The following SIN3B variants were observed in gnomAD, a reference collection of about 807,000 sequenced individuals.
The protein encoded by SIN3B is paired amphipathic helix protein Sin3b.
A neutral mutation model predicts 120.2 loss-of-function variants in SIN3B; 19 were observed. That is an observed-to-expected ratio of 0.16 (90% CI 0.11 to 0.23). The LOEUF (loss-of-function observed/expected upper bound fraction) is 0.23, where lower values mean the gene tolerates loss of function less well. Among genes scored for constraint, SIN3B ranks in the 10% least tolerant of loss-of-function variants. The pLI is 1.00. For synonymous variants in SIN3B, 654 were observed against 653.2 expected (o/e 1.00, Z -0.02); for missense variants, 1,073 against 1,573.0 (o/e 0.68, Z 5.38).
chr19:16,863,954 C>G (rs1971725194), intron 10 of SIN3B, among the ~76,000 whole-genome samples, 158 bp downstream of exon 10: 1 of 152,364 alleles, frequency 6.6e-6, no homozygotes, highest in South Asian at 2.1e-4. Context: ...CCGGGTCTTG[C>G]TGGCCTTTGG....
intron 4 of SIN3B, among the ~76,000 whole-genome samples, chr19:16,843,299 C>T (rs1971441232): frequency 6.6e-6 from 1 of 152,212 alleles, no homozygotes; most frequent in African/African-American, 2.4e-5. Context: ...GAAATCCCTG[C>T]AGCCTTGACA....
chr19:16,830,646 T>A (rs62119305), intron 2 of SIN3B, among the ~76,000 whole-genome samples: 19,447 of 152,260 alleles, frequency 0.13, 1,615 homozygotes, highest in East Asian at 0.27. Context: ...GGGGCTGGCC[T>A]GGTTTCCTTC....
intron 10 of SIN3B, among the ~76,000 whole-genome samples, chr19:16,864,214 A>G (rs1971729219): frequency 6.6e-6 from 1 of 152,128 alleles, no homozygotes; most frequent in Non-Finnish European, 1.5e-5. Flanking sequence ...GAATTGCTTG[A>G]GCCAGAGAGG....
Position 16,841,812 on chromosome 19 carries a change from G to A in SIN3B, c.426G>A (p.Gln142=). The A allele has an allele frequency of 6.2e-7, 1 of 1,614,126 alleles. No individual in the cohort carries two copies. Among genetic ancestry groups the A allele is most frequent in the East Asian group, 2.2e-5 (1 of 44,868 alleles). The part of the protein sequence containing the change: ...NHGDGAEDFK[Q]QVPYKEDKPQ... Reference sequence around the variant, plus strand: ...GGGACGGTGCAGAGGACTTCAAGCAGCAGGTGCCGTATAAAGAGGACAAAC... The same window carrying A: ...GGGACGGTGCAGAGGACTTCAAGCAACAGGTGCCGTATAAAGAGGACAAAC... Residue 142 remains glutamine (Q), a synonymous_variant, in exon 4 of 19, where the codon CAG becomes CAA. Transcript: ENST00000248054.
intron 14 of SIN3B, 132 bp downstream of exon 14, chr19:16,871,530 ATTCG>A: frequency 1.2e-6 from 1 of 806,684 alleles, no homozygotes; most frequent in Non-Finnish European, 1.9e-6. Flanking sequence ...TTGAGACAAA[ATTCG>A]CATAACGTAA....
chr19:16,835,694 A>G (rs1971339482), intron 3 of SIN3B, among the ~76,000 whole-genome samples: 1 of 151,350 alleles, frequency 6.6e-6, no homozygotes, highest in Admixed American at 6.6e-5. Context: ...TAATTTTTGT[A>G]TTTTTAGTAG....
intron 5 of SIN3B, 142 bp downstream of exon 5, chr19:16,847,255 AC>A: frequency 1.2e-6 from 1 of 855,136 alleles, no homozygotes; most frequent in Non-Finnish European, 1.8e-6. Flanking sequence ...GGTTGCAGAT[AC>A]CCAGGGGTTC....
At chr19:16,875,097 GTCTGA>G (rs745595673) in intron 14 of SIN3B, among the ~76,000 whole-genome samples, 53 of 149,556 alleles carry the variant, frequency 3.5e-4, no homozygotes, top group South Asian at 8.6e-4. Context: ...GTTTAGTTTG[GTCTGA>G]TCTGGTCTGG....
At chr19:16,842,108 CT>C in intron 4 of SIN3B, 140 bp downstream of exon 4, 1 of 817,438 alleles carries the variant, frequency 1.2e-6, no homozygotes, top group Non-Finnish European at 1.9e-6. Context: ...TTTGTTTTTT[CT>C]TAGAGTCTGG....
At position 16,876,672 on chromosome 19, in the gene SIN3B, C is replaced by T. The variant is rs1365470923; in HGVS notation, c.2859+94C>T. ...CACCAGCCAAGCGCAGGCCGCGCAG[C>T]ATCCAGAGACCCTCCCTCTGCAGGC... is the stretch of plus-strand genomic sequence containing the variant. On this transcript the variant is annotated intron_variant, in intron 16 of 18. Coordinates refer to ENST00000248054, the MANE Select transcript of SIN3B (RefSeq NM_001297595.2). The surrounding 1 kb of genome is among the most constrained non-coding windows in gnomAD (Gnocchi z 7.1). 3 of 957,450 alleles carry T rather than the reference C, an allele frequency of 3.1e-6. No individual in the cohort carries two copies. The highest frequency in any genetic ancestry group is 2.6e-5 in the East Asian group (1 of 38,708). The allele number at this position is 957,450 out of a possible 1,614,324, so 59.3% of individuals were successfully genotyped here. A position where few individuals can be genotyped will look rare whatever the true frequency, so the allele number is the denominator to read the frequency against.
At chr19:16,853,270 T>G in intron 7 of SIN3B, 112 bp downstream of exon 7, 2 of 955,586 alleles carry the variant, frequency 2.1e-6, no homozygotes, top group Non-Finnish European at 3.3e-6. Context: ...GTGGGTGCAG[T>G]CTGAGGATGG....
rs1048060017 is a variant in SIN3B at position 16,842,700 on chromosome 19, C to T, written c.582+732C>T. 6.6e-5 allele frequency among the ~76,000 whole-genome samples: 10 copies of T among 152,164 alleles called. 1 individual carries two copies. The highest frequency in any genetic ancestry group is 2.4e-4 in the African/African-American group (10 of 41,446). On this transcript the variant is annotated intron_variant, in intron 4 of 18. Coordinates refer to ENST00000248054, the MANE Select transcript of SIN3B (RefSeq NM_001297595.2). ...GAGACAAATGGCTGCTCCTGCTTAG[C>T]TGTTCATTGCAGTGGTGGGAAGAAA...
At chr19:16,868,220 T>C (rs192910552) in intron 12 of SIN3B, among the ~76,000 whole-genome samples, 3 of 152,280 alleles carry the variant, frequency 2.0e-5, no homozygotes, top group Admixed American at 6.5e-5. Context: ...ATGGTCACAC[T>C]GAAGAGCCCA....
intron 3 of SIN3B, among the ~76,000 whole-genome samples, chr19:16,835,259 C>G (rs572876269): frequency 7.1e-6 from 1 of 140,684 alleles, no homozygotes; most frequent in Non-Finnish European, 1.5e-5. Context: ...GACAGAGTCT[C>G]GCTGTGTTGC....
intron 3 of SIN3B, among the ~76,000 whole-genome samples, chr19:16,838,759 CT>C (rs1568412946): frequency 6.6e-6 from 1 of 151,894 alleles, no homozygotes; most frequent in Non-Finnish European, 1.5e-5. Context: ...AAAACTTCTG[CT>C]TCTCAGGTTC....
chr19:16,833,429 C>G (rs767312533), intron 3 of SIN3B, among the ~76,000 whole-genome samples: 1 of 151,506 alleles, frequency 6.6e-6, no homozygotes, highest in East Asian at 2.0e-4. Context: ...GTCAGGAGTT[C>G]AAGACCAGCC....
rs139223639 is a variant in SIN3B, at chr19:16,862,412, C to G, written c.1119C>G (p.Phe373Leu). ...TCCTGGGGGTAAAAGAGCTGTCCTT[C>G]GCGCCACCCATGAGCGACAGATCCG... The part of the protein sequence containing the change: ...KSFLGVKELS[F>L]APPMSDRSGD... The change falls in exon 9 of 19, where the codon TTC (phenylalanine) becomes TTG (leucine). Residue 373 changes from phenylalanine to leucine, a missense_variant. By Grantham distance (22) the Phe-to-Leu change is conservative. Coordinates refer to ENST00000248054, the MANE Select transcript of SIN3B (RefSeq NM_001297595.2). The surrounding 1 kb of genome is among the most constrained non-coding windows in gnomAD (Gnocchi z 4.7). 1.2e-6 allele frequency: 2 copies of G among 1,614,016 alleles called. No homozygotes were observed. Among genetic ancestry groups the G allele is most frequent in the African/African-American group, 1.3e-5 (1 of 74,882 alleles).
At chr19:16,864,326 T>G (rs925359738) in intron 10 of SIN3B, among the ~76,000 whole-genome samples, 1 of 152,028 alleles carries the variant, frequency 6.6e-6, no homozygotes, top group African/African-American at 2.4e-5. Flanking sequence ...AAATTAAATT[T>G]ATTTTTATTT....
intron 3 of SIN3B, among the ~76,000 whole-genome samples, chr19:16,841,228 C>T (rs1056781336): frequency 6.6e-6 from 1 of 152,094 alleles, no homozygotes; most frequent in Non-Finnish European, 1.5e-5. Context: ...ACCGATGCAC[C>T]TTATTGCGAT....
Sources: gnomAD v4.1 joint callset for allele counts (sites outside exome capture counted in the v4.1 genomes callset) on GRCh38, gnomAD v4.1.1 for gene constraint, Gnocchi (gnomAD v3.1) non-coding constraint, MANE v1.5 for transcripts, NCBI Gene and HGNC (gene_info 2026-07-23, HGNC 2026-07-21) for gene names.